The following GRID1 variants were observed in gnomAD, a reference collection of about 807,000 sequenced individuals.
The protein encoded by GRID1 is glutamate receptor ionotropic, delta-1.
In GRID1, 28 loss-of-function variants were observed where a neutral mutation model predicts 98.0. That is an observed-to-expected ratio of 0.29 (90% confidence interval 0.21 to 0.39). GRID1 has a LOEUF of 0.39. Ranked by LOEUF, GRID1 falls within the 10% of genes least tolerant of loss-of-function variation. The pLI is 1.00. For synonymous variants in GRID1, 553 were observed against 538.5 expected (o/e 1.03, Z -0.37); for missense variants, 1,111 against 1,340.5 (o/e 0.83, Z 2.67).
chr10:86,247,286 CGGAT>C (rs1846747044), intron 2 of GRID1, among the ~76,000 whole-genome samples: 1 of 130,962 alleles, frequency 7.6e-6, no homozygotes, highest in Non-Finnish European at 1.6e-5. Context: ...GATGGATAGA[CGGAT>C]GGATGGATGG....
intron 4 of GRID1, among the ~76,000 whole-genome samples, chr10:85,938,472 T>A (rs143790340): frequency 1.6e-3 from 246 of 152,320 alleles, no homozygotes; most frequent in African/African-American, 5.6e-3. Context: ...CTGGGCAGTG[T>A]GCTCAGAGTT....
chr10:86,173,702 T>C (rs1845528974), intron 3 of GRID1, among the ~76,000 whole-genome samples: 1 of 151,636 alleles, frequency 6.6e-6, no homozygotes, highest in African/African-American at 2.4e-5. Flanking sequence ...ATTAAGTGTA[T>C]CTCCTAAAGC....
At position 85,953,429 on chromosome 10, in the gene GRID1, T is replaced by C. The variant is rs577491483; in HGVS notation, c.727-37190A>G. 3.3e-5 allele frequency among the ~76,000 whole-genome samples: 5 copies of C among 152,304 alleles called. No individual in the cohort carries two copies. The South Asian group carries it at 1.0e-3, about 32-fold the overall frequency. The stretch of plus-strand genomic sequence containing the variant: ...ACTAATGGGTACTAGGCTTAATACC[T>C]GAGTGATGAAATAATCTGAACAACA... On this transcript the variant is annotated intron_variant, in intron 4 of 15. Coordinates refer to ENST00000327946, the MANE Select transcript of GRID1 (RefSeq NM_017551.3).
intron 4 of GRID1, among the ~76,000 whole-genome samples, chr10:86,130,576 GAGA>G (rs1844820511): frequency 6.6e-6 from 1 of 152,302 alleles, no homozygotes; most frequent in East Asian, 1.9e-4. Flanking sequence ...GACAGTCAGA[GAGA>G]AGATCAGCTG....
intron 8 of GRID1, among the ~76,000 whole-genome samples, chr10:85,831,709 T>C (rs911282907): frequency 1.4e-4 from 21 of 152,044 alleles, no homozygotes; most frequent in African/African-American, 5.1e-4. Context: ...ATGCCTCTAA[T>C]AAACCCTGGG....
At chr10:86,136,784 A>G (rs1380411654) in intron 4 of GRID1, among the ~76,000 whole-genome samples, 2 of 152,144 alleles carry the variant, frequency 1.3e-5, no homozygotes, top group East Asian at 3.9e-4. Flanking sequence ...GACTTGACTG[A>G]CGTTAAGAGT....
At chr10:86,005,232 A>T (rs1353122707) in intron 4 of GRID1, among the ~76,000 whole-genome samples, 2 of 152,136 alleles carry the variant, frequency 1.3e-5, no homozygotes, top group Non-Finnish European at 2.9e-5. Flanking sequence ...CCACAGTTCC[A>T]GCCAGCCAAC....
chr10:86,144,403 G>A (rs1463647294), intron 3 of GRID1, among the ~76,000 whole-genome samples: 1 of 152,144 alleles, frequency 6.6e-6, no homozygotes, highest in Non-Finnish European at 1.5e-5. Flanking sequence ...CTGGACTGTG[G>A]AACTGCCAGG....
intron 4 of GRID1, among the ~76,000 whole-genome samples, chr10:86,036,701 G>A (rs1843267250): frequency 6.6e-6 from 1 of 152,188 alleles, no homozygotes; most frequent in Non-Finnish European, 1.5e-5. Flanking sequence ...TAAGCAGGAA[G>A]GCTCTCCACC....
At position 85,777,204 on chromosome 10, in the gene GRID1, G is replaced by A. The variant is rs772630246; in HGVS notation, c.1234-47590C>T. On this transcript the variant is annotated intron_variant, in intron 8 of 15. Transcript: ENST00000327946. ...GTGGGCATCTAAATCAGGGAGGTGGGGATGTTCCCAGAATTAGCAGTGGGC... is the reference window on the plus strand; with the variant it reads ...GTGGGCATCTAAATCAGGGAGGTGGAGATGTTCCCAGAATTAGCAGTGGGC... 4.1e-4 allele frequency among the ~76,000 whole-genome samples: 62 copies of A among 152,092 alleles called. 2 individuals carry two copies. Among genetic ancestry groups the A allele is most frequent in the Non-Finnish European group, 7.6e-4 (52 of 68,022 alleles).
intron 4 of GRID1, among the ~76,000 whole-genome samples, chr10:86,039,965 C>A (rs1661748249): frequency 6.6e-6 from 1 of 152,150 alleles, no homozygotes. Flanking sequence ...TTGTCACTCT[C>A]CCCCTGTGGA....
chr10:86,248,563 C>CTTTTTTTTTTTTTTTTTTTTTTTTTTTT (rs200060771), intron 2 of GRID1, among the ~76,000 whole-genome samples: 1 of 121,840 alleles, frequency 8.2e-6, no homozygotes, highest in Non-Finnish European at 1.7e-5. Context: ...CATGACAATT[C>CTTTTTTTTTTTTTTTTTTTTTTTTTTTT]TTTTTTTTTT....
intron 12 of GRID1, among the ~76,000 whole-genome samples, chr10:85,656,113 TC>T (rs1840892379): frequency 6.6e-6 from 1 of 152,138 alleles, no homozygotes; most frequent in African/African-American, 2.4e-5. Context: ...CCTGGCTTAC[TC>T]CAGTTTTCAT....
At chr10:86,068,408 G>A (rs1843750696) in intron 4 of GRID1, among the ~76,000 whole-genome samples, 1 of 152,178 alleles carries the variant, frequency 6.6e-6, no homozygotes, top group African/African-American at 2.4e-5. Context: ...CCCCACTGAG[G>A]AGTTCAAATC....
At chr10:85,614,891 G>A (rs936712653) in intron 14 of GRID1, among the ~76,000 whole-genome samples, 38 of 152,314 alleles carry the variant, frequency 2.5e-4, no homozygotes, top group African/African-American at 8.7e-4. Context: ...GTAGCTGGTA[G>A]TACCCAGACC....
At position 85,618,395 on chromosome 10, in the gene GRID1, C is replaced by A. The variant is rs1334396660; in HGVS notation, c.2360+1472G>T. ...ATCCTGAGCCTCCCATTTCGGAAAA[C>A]CAACTGGTGCGAACCTCAAGAACAC... On this transcript the variant is annotated intron_variant, in intron 14 of 15. Coordinates refer to ENST00000327946, the MANE Select transcript of GRID1 (RefSeq NM_017551.3). Among the ~76,000 whole-genome samples, 3 of 152,162 alleles carry A rather than the reference C, an allele frequency of 2.0e-5. No individual in the cohort carries two copies. In the South Asian group the frequency reaches 6.2e-4, roughly 32 times the overall value.
intron 3 of GRID1, among the ~76,000 whole-genome samples, chr10:86,179,673 G>A (rs1041590987): frequency 1.4e-4 from 21 of 152,142 alleles, no homozygotes; most frequent in Non-Finnish European, 7.4e-5. Flanking sequence ...ACATCTGTAC[G>A]AACCTCAGGG....
chr10:85,910,108 T>G (rs1841516852), intron 5 of GRID1, among the ~76,000 whole-genome samples: 1 of 152,224 alleles, frequency 6.6e-6, no homozygotes, highest in Non-Finnish European at 1.5e-5. Context: ...TCAATGAGGC[T>G]GGGAGAGAAA....
chr10:85,897,398 G>T (rs972991989), intron 5 of GRID1, among the ~76,000 whole-genome samples: 15 of 152,202 alleles, frequency 9.9e-5, no homozygotes, highest in African/African-American at 3.4e-4. Flanking sequence ...AGGTAAAATG[G>T]CCTGAGCCAG....
Sources: gnomAD v4.1 joint callset for allele counts (sites outside exome capture counted in the v4.1 genomes callset) on GRCh38, gnomAD v4.1.1 for gene constraint, MANE v1.5 for transcripts, NCBI Gene and HGNC (gene_info 2026-07-23, HGNC 2026-07-21) for gene names.